SCAI: variants seen among roughly 807,000 people sequenced by gnomAD.
The protein encoded by SCAI is suppressor of cancer cell invasion.
In SCAI, 24 loss-of-function variants were observed where a neutral mutation model predicts 92.2. The ratio of observed to expected loss-of-function variants is 0.26; its 90% CI spans 0.19 to 0.37. The LOEUF (loss-of-function observed/expected upper bound fraction) is 0.37. SCAI is among the 10% of genes least tolerant of loss of function. The pLI is 1.00. For synonymous variants in SCAI, 261 were observed against 258.6 expected, an observed-to-expected ratio of 1.01 and a Z score of -0.09; for missense variants, 450 against 736.2, an observed-to-expected ratio of 0.61 and a Z score of 4.50.
At chr9:125,063,811 T>C (rs1489344620) in intron 2 of SCAI, among the ~76,000 whole-genome samples, 2 of 151,338 alleles carry the variant, frequency 1.3e-5, no homozygotes, top group Admixed American at 1.3e-4. Flanking sequence ...TGAAGTGCAA[T>C]GGCGGGATCT....
chr9:124,986,019 C>T (rs145655511), intron 14 of SCAI, among the ~76,000 whole-genome samples: 90 of 151,936 alleles, frequency 5.9e-4, no homozygotes, highest in African/African-American at 2.0e-3. Context: ...TGTCCGGGCG[C>T]GGTGGCTCAT....
At chr9:124,966,916 CTT>C (rs35221252) in intron 17 of SCAI, among the ~76,000 whole-genome samples, 12 of 134,166 alleles carry the variant, frequency 8.9e-5, no homozygotes, top group East Asian at 2.2e-4. Context: ...CCCAGCTTGA[CTT>C]TTTTTTTTTT....
chr9:125,063,489 T>C (rs1201333689), intron 2 of SCAI, among the ~76,000 whole-genome samples: 1 of 152,048 alleles, frequency 6.6e-6, no homozygotes, highest in African/African-American at 2.4e-5. Flanking sequence ...ACAATATATT[T>C]TAATGAACTA....
chr9:125,108,222 T>G (rs999410700), intron 2 of SCAI, among the ~76,000 whole-genome samples: 5 of 152,254 alleles, frequency 3.3e-5, no homozygotes, highest in African/African-American at 1.2e-4. Context: ...CCTCCCAAAG[T>G]GCCGAGATTG....
intron 2 of SCAI, among the ~76,000 whole-genome samples, chr9:125,078,494 C>T (rs991683035): frequency 6.6e-6 from 1 of 152,164 alleles, no homozygotes; most frequent in African/African-American, 2.4e-5. Context: ...CGCCACTGCA[C>T]TCCAGCTTGG....
intron 11 of SCAI, 112 bp from the exon 12 acceptor site, chr9:125,002,155 G>A (rs1411900310): frequency 6.2e-5 from 46 of 741,402 alleles, no homozygotes; most frequent in South Asian, 5.7e-4. Context: ...ATGCACTGTT[G>A]TCTTTTCCAA....
At chr9:125,137,731 C>T (rs1835570262) in intron 2 of SCAI, among the ~76,000 whole-genome samples, 2 of 152,030 alleles carry the variant, frequency 1.3e-5, no homozygotes, top group South Asian at 4.2e-4. Flanking sequence ...CTCCTGAGTA[C>T]CTGTGATTAC....
At chr9:125,055,030 A>C (rs527718923) in intron 3 of SCAI, among the ~76,000 whole-genome samples, 155 of 152,312 alleles carry the variant, frequency 1.0e-3, no homozygotes, top group African/African-American at 3.6e-3. Flanking sequence ...AAATTCACAT[A>C]ATTTTTTTAA....
chr9:124,976,062 A>T, intron 15 of SCAI, 52 bp downstream of exon 15: 1 of 1,080,030 alleles, frequency 9.3e-7, no homozygotes, highest in Non-Finnish European at 1.4e-6. Flanking sequence ...TTCATAATAT[A>T]GATAGTGTTT....
chr9:125,121,836 C>G (rs1835162470), intron 2 of SCAI, among the ~76,000 whole-genome samples: 1 of 151,970 alleles, frequency 6.6e-6, no homozygotes, highest in East Asian at 1.9e-4. Context: ...GCCTGGGCAA[C>G]AGAGCAAGAC....
At chr9:124,959,513 T>C (rs972836403) in intron 17 of SCAI, among the ~76,000 whole-genome samples, 9 of 142,556 alleles carry the variant, frequency 6.3e-5, no homozygotes, top group Middle Eastern at 3.7e-3. Context: ...CACATATATA[T>C]ATATACACAC....
intron 2 of SCAI, among the ~76,000 whole-genome samples, chr9:125,140,813 T>C (rs1388309643): frequency 1.3e-5 from 2 of 151,302 alleles, no homozygotes; most frequent in African/African-American, 4.9e-5. Context: ...ATGCTGAGAT[T>C]GCACCACTGC....
Position 125,002,010 on chromosome 9 carries a change from G to T in SCAI, c.1099C>A (p.Leu367Met). Residue 367 changes from leucine (L) to methionine (M), a missense_variant, in exon 12 of 18, where the codon CTG becomes ATG. Coordinates refer to ENST00000336505, the MANE Select transcript of SCAI (RefSeq NM_001144877.3). The part of the protein sequence containing the change: ...LPANSVLLIY[L>M]SATGVFPTGR... Reference sequence around the variant, plus strand: ...GTGGGGAAAACGCCAGTGGCCGACAGGTAAATCAGAAGCACGCTATTGGCA... The same window carrying T: ...GTGGGGAAAACGCCAGTGGCCGACATGTAAATCAGAAGCACGCTATTGGCA... 6.2e-7 allele frequency: 1 copy of T among 1,613,814 alleles called. No individual in the cohort carries two copies. Among genetic ancestry groups the T allele is most frequent in the Non-Finnish European group, 8.5e-7 (1 of 1,179,770 alleles).
At chr9:125,079,775 T>C (rs1006949202) in intron 2 of SCAI, among the ~76,000 whole-genome samples, 1 of 150,300 alleles carries the variant, frequency 6.7e-6, no homozygotes, top group Non-Finnish European at 1.5e-5. Context: ...AAAAAAAAAC[T>C]GGTATTTCAC....
At chr9:125,131,322 C>T (rs905599403) in intron 2 of SCAI, among the ~76,000 whole-genome samples, 6 of 150,452 alleles carry the variant, frequency 4.0e-5, no homozygotes, top group Non-Finnish European at 5.9e-5. Flanking sequence ...GAGGGAGAAT[C>T]GCTGGAACCC....
At chr9:125,101,175 AG>A (rs1482360487) in intron 2 of SCAI, among the ~76,000 whole-genome samples, 2 of 152,206 alleles carry the variant, frequency 1.3e-5, no homozygotes, top group African/African-American at 2.4e-5. Flanking sequence ...ACAGCCATGT[AG>A]GCCACTGAAA....
At chr9:124,958,038 G>T (rs1831357418) in intron 17 of SCAI, among the ~76,000 whole-genome samples, 1 of 152,148 alleles carries the variant, frequency 6.6e-6, no homozygotes. Flanking sequence ...AATAAATTAT[G>T]AAACACATGC....
At chr9:125,090,956 A>T (rs937349826) in intron 2 of SCAI, among the ~76,000 whole-genome samples, 1 of 152,126 alleles carries the variant, frequency 6.6e-6, no homozygotes, top group South Asian at 2.1e-4. Flanking sequence ...GTCTCTACTA[A>T]AAATACAAAA....
intron 2 of SCAI, among the ~76,000 whole-genome samples, chr9:125,102,671 C>G (rs1834701841): frequency 6.6e-6 from 1 of 151,946 alleles, no homozygotes; most frequent in Non-Finnish European, 1.5e-5. Flanking sequence ...GATCTAAGCT[C>G]ACTGCAACCT....
Sources: allele counts gnomAD v4.1 joint callset (sites outside exome capture counted in the v4.1 genomes callset), GRCh38; gene constraint gnomAD v4.1.1; transcripts MANE v1.5; gene names NCBI Gene and HGNC (gene_info 2026-07-23, HGNC 2026-07-21).